The following SLC4A4 variants were observed in gnomAD, a reference collection of about 807,000 sequenced individuals.
SLC4A4 encodes electrogenic sodium bicarbonate cotransporter 1.
A neutral mutation model predicts 111.5 loss-of-function variants in SLC4A4; 27 were observed. That is an observed-to-expected ratio of 0.24 (90% CI 0.18 to 0.33). SLC4A4 has a LOEUF of 0.33. Among genes scored for constraint, SLC4A4 ranks in the 10% least tolerant of loss-of-function variants. The pLI is 1.00. For synonymous variants in SLC4A4, 443 were observed against 463.4 expected, an observed-to-expected ratio of 0.96 and a Z score of 0.57; for missense variants, 909 against 1,315.5, an observed-to-expected ratio of 0.69 and a Z score of 4.78.
In SLC4A4 at chr4:71,357,208, C is replaced by G. The variant is rs1173664036; in HGVS notation, c.730+21C>G. On this transcript the variant is annotated intron_variant, in intron 6 of 25. Transcript: ENST00000264485. ...TAATGGTAATGCAGAGGCCAGCTGG[C>G]TGCTGCTTTCTCTTACTTATTTCAC... is the stretch of plus-strand genomic sequence containing the variant. 3.7e-6 allele frequency: 6 copies of G among 1,610,536 alleles called. No homozygotes were observed. In the Admixed American group the frequency reaches 6.7e-5, roughly 18 times the overall value.
chr4:71,258,056 T>G (rs1222443805), intron 3 of SLC4A4, among the ~76,000 whole-genome samples: 1 of 152,232 alleles, frequency 6.6e-6, no homozygotes, highest in African/African-American at 2.4e-5. Context: ...AAGTGTAAAT[T>G]GGATCATGTC....
intron 3 of SLC4A4, among the ~76,000 whole-genome samples, chr4:71,256,715 C>T (rs2149062754): frequency 6.6e-6 from 1 of 152,232 alleles, no homozygotes; most frequent in African/African-American, 2.4e-5. Context: ...CCTTAAAATG[C>T]ACATAAACAT....
chr4:71,471,762 T>C (rs1056845909), intron 13 of SLC4A4, among the ~76,000 whole-genome samples: 1 of 151,924 alleles, frequency 6.6e-6, no homozygotes. Context: ...TCTTGAACTA[T>C]TAATCAATCA....
chr4:71,525,299 C>T (rs535554071), intron 16 of SLC4A4, among the ~76,000 whole-genome samples: 27 of 151,956 alleles, frequency 1.8e-4, no homozygotes, highest in African/African-American at 4.3e-4. Flanking sequence ...TAATTAATCC[C>T]GCAGAGGACA....
chr4:71,124,929 G>A (rs193056920), intron 2 of SLC4A4, among the ~76,000 whole-genome samples: 56 of 152,246 alleles, frequency 3.7e-4, no homozygotes, highest in African/African-American at 1.3e-3. Context: ...TTTTGCTAAT[G>A]TTTCCTACAC....
chr4:71,119,738 TTC>T (rs1422120864), intron 2 of SLC4A4, among the ~76,000 whole-genome samples: 1 of 152,222 alleles, frequency 6.6e-6, no homozygotes, highest in Non-Finnish European at 1.5e-5. Flanking sequence ...TTCTACATCT[TTC>T]TCTTTTTTCT....
At chr4:71,304,901 T>G (rs538420253) in intron 3 of SLC4A4, among the ~76,000 whole-genome samples, 1 of 152,330 alleles carries the variant, frequency 6.6e-6, no homozygotes, top group East Asian at 1.9e-4. Context: ...TTGGAACTCT[T>G]TAGTTGGGAA....
chr4:71,278,960 A>G (rs1016142660), intron 3 of SLC4A4, among the ~76,000 whole-genome samples: 1 of 152,160 alleles, frequency 6.6e-6, no homozygotes, highest in Non-Finnish European at 1.5e-5. Flanking sequence ...TTGACAAATA[A>G]AAGCTGTACA....
chr4:71,300,697 G>T, intron 3 of SLC4A4: 1 of 390,776 alleles, frequency 2.6e-6, no homozygotes, highest in Non-Finnish European at 5.1e-6. Flanking sequence ...GATATGTAGG[G>T]GCATGGGGCT....
intron 2 of SLC4A4, among the ~76,000 whole-genome samples, chr4:71,251,218 G>A (rs532008803): frequency 6.6e-6 from 1 of 152,344 alleles, no homozygotes; most frequent in South Asian, 2.1e-4. Context: ...GTAGCAAAAT[G>A]TGTATTTGTG....
At chr4:71,313,360 A>G (rs976039271) in intron 3 of SLC4A4, among the ~76,000 whole-genome samples, 1 of 152,192 alleles carries the variant, frequency 6.6e-6, no homozygotes, top group Non-Finnish European at 1.5e-5. Flanking sequence ...GCCCAGAGTA[A>G]TTTATAGATT....
intron 1 of SLC4A4, among the ~76,000 whole-genome samples, chr4:71,082,853 CTTT>C (rs34193763): frequency 7.0e-6 from 1 of 142,796 alleles, no homozygotes; most frequent in Non-Finnish European, 1.5e-5. Flanking sequence ...CCATAATTTT[CTTT>C]TTTTTTTTTT....
chr4:71,166,450 G>T lies in SLC4A4; in HGVS notation c.-1-70126G>T, dbSNP rs72860076. On this transcript the variant is annotated intron_variant, in intron 2 of 26. Coordinates refer to the SLC4A4 transcript ENST00000649996. Reference sequence around the variant, plus strand: ...CATAAGAAAGGTGAAGAGAAAATATGGGGTGTTAATAAAAGAAAAAATACA... The same window carrying T: ...CATAAGAAAGGTGAAGAGAAAATATTGGGTGTTAATAAAAGAAAAAATACA... Among the ~76,000 whole-genome samples the T allele has an allele frequency of 5.3e-3, 810 of 152,258 alleles. 9 individuals are homozygous for T. The highest frequency in any genetic ancestry group is 0.019 in the African/African-American group (775 of 41,564).
intron 6 of SLC4A4, among the ~76,000 whole-genome samples, chr4:71,394,631 A>G (rs960935217): frequency 4.6e-5 from 7 of 152,092 alleles, no homozygotes; most frequent in African/African-American, 1.7e-4. Context: ...AAGTAGAACT[A>G]CTATAGCAGC....
At chr4:71,534,842 C>CACAAA (rs1422097223) in intron 18 of SLC4A4, among the ~76,000 whole-genome samples, 1 of 151,954 alleles carries the variant, frequency 6.6e-6, no homozygotes, top group Non-Finnish European at 1.5e-5. Flanking sequence ...TTTTTGTCTT[C>CACAAA]ACATACTTGT....
intron 6 of SLC4A4, among the ~76,000 whole-genome samples, chr4:71,390,028 T>C (rs951529386): frequency 2.0e-5 from 3 of 152,242 alleles, no homozygotes; most frequent in Admixed American, 6.5e-5. Context: ...CTTAGTCTAA[T>C]ATTTAAAATA....
chr4:71,282,955 C>T (rs545900767), intron 3 of SLC4A4, among the ~76,000 whole-genome samples: 68 of 152,096 alleles, frequency 4.5e-4, no homozygotes, highest in Non-Finnish European at 8.8e-4. Flanking sequence ...TGGATTTTTC[C>T]GCAACGATAA....
chr4:71,132,878 A>T (rs912336504), intron 2 of SLC4A4, among the ~76,000 whole-genome samples: 1 of 152,148 alleles, frequency 6.6e-6, no homozygotes, highest in African/African-American at 2.4e-5. Context: ...GCATGTGTGT[A>T]TCACTGTGTT....
intron 2 of SLC4A4, among the ~76,000 whole-genome samples, chr4:71,101,447 T>A (rs77150542): frequency 0.026 from 3,945 of 152,302 alleles, 166 homozygotes; most frequent in African/African-American, 0.08. Flanking sequence ...AATTATATTC[T>A]TACTGTTGTG....
Sources: allele counts gnomAD v4.1 joint callset (sites outside exome capture counted in the v4.1 genomes callset), GRCh38; gene constraint gnomAD v4.1.1; transcripts MANE v1.5; gene names NCBI Gene and HGNC (gene_info 2026-07-23, HGNC 2026-07-21).